TNIK: variants seen among roughly 807,000 people sequenced by gnomAD.
The protein encoded by TNIK is TRAF2 and NCK-interacting protein kinase.
In TNIK, 49 loss-of-function variants were observed where a neutral mutation model predicts 191.3. The observed-to-expected ratio is 0.26, with a 90% CI of 0.20 to 0.32. TNIK has a LOEUF of 0.32. TNIK is among the 10% of genes least tolerant of loss of function. TNIK has a pLI of 1.00. For synonymous variants in TNIK, 594 were observed against 600.9 expected (o/e 0.99, Z 0.17); for missense variants, 1,155 against 1,702.3 (o/e 0.68, Z 5.66).
intron 9 of TNIK, among the ~76,000 whole-genome samples, chr3:171,174,488 A>C (rs534654277): frequency 4.9e-4 from 75 of 152,326 alleles, no homozygotes; most frequent in African/African-American, 1.7e-3. Flanking sequence ...GAAGCAATGA[A>C]TTTTGGTTAT....
chr3:171,194,035 G>T (rs1738364279), intron 5 of TNIK, among the ~76,000 whole-genome samples: 1 of 152,184 alleles, frequency 6.6e-6, no homozygotes, highest in African/African-American at 2.4e-5. Flanking sequence ...GTTAAACTAG[G>T]TTGTATGTAT....
At chr3:171,182,265 A>G (rs962724206) in intron 7 of TNIK, among the ~76,000 whole-genome samples, 1 of 139,734 alleles carries the variant, frequency 7.2e-6, no homozygotes, top group Admixed American at 8.2e-5. Context: ...AGTTGCTTGT[A>G]AGCTACACTC....
intron 1 of TNIK, among the ~76,000 whole-genome samples, chr3:171,385,652 C>T (rs1459396556): frequency 1.3e-5 from 2 of 152,086 alleles, no homozygotes; most frequent in African/African-American, 4.8e-5. Context: ...GATTTGGGTA[C>T]ACAGACAGAG....
intron 4 of TNIK, among the ~76,000 whole-genome samples, chr3:171,196,779 G>A (rs917627763): frequency 2.0e-5 from 3 of 149,862 alleles, no homozygotes; most frequent in African/African-American, 7.3e-5. Flanking sequence ...TTTTTTTTTT[G>A]TTTGAGACAG....
At chr3:171,209,549 T>C (rs1337717803) in intron 4 of TNIK, among the ~76,000 whole-genome samples, 1 of 152,190 alleles carries the variant, frequency 6.6e-6, no homozygotes, top group East Asian at 1.9e-4. Context: ...GTCATATATC[T>C]CTCTTTAGGA....
intron 2 of TNIK, among the ~76,000 whole-genome samples, chr3:171,311,752 G>A (rs554289906): frequency 6.6e-6 from 1 of 152,210 alleles, no homozygotes; most frequent in Admixed American, 6.5e-5. Context: ...TTATGTGAGT[G>A]GAAGAATAGA....
At chr3:171,244,294 T>A (rs996361396) in intron 2 of TNIK, among the ~76,000 whole-genome samples, 5 of 152,148 alleles carry the variant, frequency 3.3e-5, no homozygotes, top group Non-Finnish European at 7.3e-5. Flanking sequence ...CTCGATCTTC[T>A]GACCTCGTGA....
chr3:171,356,179 TG>T (rs994251255), intron 2 of TNIK, among the ~76,000 whole-genome samples: 2 of 150,906 alleles, frequency 1.3e-5, no homozygotes, highest in Non-Finnish European at 2.9e-5. Context: ...AGAGTTTTTC[TG>T]GGGGGAAAAA....
intron 4 of TNIK, among the ~76,000 whole-genome samples, chr3:171,208,701 G>A (rs576257526): frequency 2.4e-4 from 36 of 152,146 alleles, no homozygotes; most frequent in South Asian, 1.5e-3. Context: ...GGAATTACAG[G>A]CAGCCACCAC....
intron 1 of TNIK, among the ~76,000 whole-genome samples, chr3:171,418,224 C>T (rs1723332330): frequency 6.6e-6 from 1 of 152,176 alleles, no homozygotes; most frequent in Admixed American, 6.5e-5. Flanking sequence ...GGCATAAACC[C>T]TTTGGTAATT....
chr3:171,168,890 C>T (rs1734941273), intron 9 of TNIK, among the ~76,000 whole-genome samples: 1 of 152,296 alleles, frequency 6.6e-6, no homozygotes, highest in African/African-American at 2.4e-5. Flanking sequence ...AGGTTCTGGA[C>T]AAGAGCTGCA....
At chr3:171,228,523 C>T (rs1003298695) in intron 2 of TNIK, among the ~76,000 whole-genome samples, 4 of 152,164 alleles carry the variant, frequency 2.6e-5, no homozygotes, top group Non-Finnish European at 4.4e-5. Context: ...GGATTTATGT[C>T]GAAGGGGAGC....
chr3:171,151,938 G>T (rs983652253), intron 12 of TNIK, among the ~76,000 whole-genome samples: 1 of 152,180 alleles, frequency 6.6e-6, no homozygotes, highest in African/African-American at 2.4e-5. Flanking sequence ...TTGGGCTTCA[G>T]CTTGCACAGC....
chr3:171,251,802 T>C (rs1262724849), intron 2 of TNIK, among the ~76,000 whole-genome samples: 4 of 152,218 alleles, frequency 2.6e-5, no homozygotes, highest in Non-Finnish European at 4.4e-5. Flanking sequence ...AAAAATAATA[T>C]GGCTCATCTT....
intron 12 of TNIK, among the ~76,000 whole-genome samples, chr3:171,153,292 G>C (rs1245151618): frequency 6.6e-6 from 1 of 151,742 alleles, no homozygotes; most frequent in Non-Finnish European, 1.5e-5. Context: ...TGAGTTCTTA[G>C]AGCTCAGGCC....
chr3:171,213,005 G>A (rs898337693), intron 3 of TNIK, among the ~76,000 whole-genome samples: 4 of 152,122 alleles, frequency 2.6e-5, no homozygotes, highest in Non-Finnish European at 1.5e-5. Flanking sequence ...CTGAGCTAAG[G>A]AGAAGCATGT....
At chr3:171,202,472 G>A (rs931646461) in intron 4 of TNIK, among the ~76,000 whole-genome samples, 5 of 152,000 alleles carry the variant, frequency 3.3e-5, no homozygotes, top group Admixed American at 1.3e-4. Context: ...AATATAAATA[G>A]GAACATAGAC....
At chr3:171,211,662 T>G (rs866596450) in intron 3 of TNIK, among the ~76,000 whole-genome samples, 1 of 152,138 alleles carries the variant, frequency 6.6e-6, no homozygotes, top group Admixed American at 6.5e-5. Context: ...GATTTAAATT[T>G]TGTTAGGTTC....
At chr3:171,183,921 TAAA>T (rs11437224) in intron 7 of TNIK, among the ~76,000 whole-genome samples, 872 of 86,356 alleles carry the variant, frequency 0.01, 9 homozygotes, top group African/African-American at 0.036. Context: ...GACTCCGTCT[TAAA>T]AAAAAAAAAA....
Sources: gnomAD v4.1 joint callset for allele counts (sites outside exome capture counted in the v4.1 genomes callset) on GRCh38, gnomAD v4.1.1 for gene constraint, MANE v1.5 for transcripts, NCBI Gene and HGNC (gene_info 2026-07-23, HGNC 2026-07-21) for gene names.